Variants in ADAMTS6 observed in about 807,000 individuals in gnomAD.
ADAMTS6 encodes the protein ADAM metallopeptidase with thrombospondin type 1 motif 6.
Under a neutral mutation model 144.3 loss-of-function variants are expected in ADAMTS6, and 23 were observed. The ratio of observed to expected loss-of-function variants is 0.16; its 90% confidence interval spans 0.11 to 0.23. ADAMTS6 has a LOEUF of 0.23. ADAMTS6 is among the 10% of genes least tolerant of loss of function. The pLI is 1.00. For missense variants in ADAMTS6, 999 were observed against 1,379.6 expected (o/e 0.72, Z 4.37); for synonymous variants, 444 against 457.5 (o/e 0.97, Z 0.38).
chr5:65,431,322 T>C (rs1233091099), intron 7 of ADAMTS6, among the ~76,000 whole-genome samples: 1 of 152,116 alleles, frequency 6.6e-6, no homozygotes, highest in East Asian at 1.9e-4. Flanking sequence ...TTTAAGTATG[T>C]CTTTCAGGCT....
At chr5:65,392,282 A>T (rs1292475012) in intron 7 of ADAMTS6, among the ~76,000 whole-genome samples, 1 of 152,162 alleles carries the variant, frequency 6.6e-6, no homozygotes, top group Non-Finnish European at 1.5e-5. Context: ...TTTAATAAGC[A>T]GTCTAACACT....
At chr5:65,446,733 T>G (rs1011633368) in intron 7 of ADAMTS6, among the ~76,000 whole-genome samples, 1 of 152,178 alleles carries the variant, frequency 6.6e-6, no homozygotes, top group Non-Finnish European at 1.5e-5. Flanking sequence ...ATTTCATTTG[T>G]ATGTATGGTC....
chr5:65,375,105 C>T (rs1751392632), intron 7 of ADAMTS6, among the ~76,000 whole-genome samples: 1 of 152,080 alleles, frequency 6.6e-6, no homozygotes, highest in Non-Finnish European at 1.5e-5. Context: ...ATTCAAAAAT[C>T]AATTCAAGAT....
intron 7 of ADAMTS6, among the ~76,000 whole-genome samples, chr5:65,355,235 G>T (rs1000329935): frequency 6.6e-6 from 1 of 151,668 alleles, no homozygotes; most frequent in Non-Finnish European, 1.5e-5. Flanking sequence ...TGATGATAAT[G>T]GTATGTTAAA....
At chr5:65,257,428 G>C (rs1427207705) in intron 14 of ADAMTS6, among the ~76,000 whole-genome samples, 1 of 152,028 alleles carries the variant, frequency 6.6e-6, no homozygotes. Context: ...CTGGTTCTTT[G>C]ATTTTTATGG....
chr5:65,194,185 G>C (rs1018312895), intron 21 of ADAMTS6, among the ~76,000 whole-genome samples: 9 of 152,128 alleles, frequency 5.9e-5, no homozygotes, highest in Admixed American at 5.9e-4. Flanking sequence ...ATCTCAGATG[G>C]TCCCTGATGT....
chr5:65,463,312 G>A (rs1759764959), intron 3 of ADAMTS6, among the ~76,000 whole-genome samples: 1 of 152,146 alleles, frequency 6.6e-6, no homozygotes. Context: ...GGGCAGACCA[G>A]ATACTGGGAA....
intron 7 of ADAMTS6, among the ~76,000 whole-genome samples, chr5:65,423,216 G>A (rs6868652): frequency 0.99 from 151,558 of 152,344 alleles, 75,390 homozygotes; most frequent in African/African-American, 1. Context: ...CATATTGGGT[G>A]CAATATACAC....
intron 18 of ADAMTS6, among the ~76,000 whole-genome samples, chr5:65,220,927 C>A (rs1052494389): frequency 3.3e-5 from 5 of 151,974 alleles, no homozygotes. Flanking sequence ...TGTTACAGAT[C>A]CTACAGATAT....
At chr5:65,480,124 T>C (rs1761101015) in intron 1 of ADAMTS6, among the ~76,000 whole-genome samples, 1 of 152,142 alleles carries the variant, frequency 6.6e-6, no homozygotes, top group South Asian at 2.1e-4. Flanking sequence ...TTCTGAAAAC[T>C]GTCATCCCCA....
At chr5:65,403,497 T>C (rs563575237) in intron 7 of ADAMTS6, among the ~76,000 whole-genome samples, 63 of 152,278 alleles carry the variant, frequency 4.1e-4, no homozygotes, top group Non-Finnish European at 7.2e-4. Context: ...TCCTCCAGCA[T>C]GTTTTCCCCT....
chr5:65,479,778 G>C (rs1761079635), intron 1 of ADAMTS6, among the ~76,000 whole-genome samples: 4 of 152,096 alleles, frequency 2.6e-5, no homozygotes, highest in Admixed American at 2.6e-4. Flanking sequence ...ACAGGTATTG[G>C]GACCAGACAT....
chr5:65,199,435 T>G (rs1165546681), intron 20 of ADAMTS6, among the ~76,000 whole-genome samples: 1 of 152,122 alleles, frequency 6.6e-6, no homozygotes, highest in Non-Finnish European at 1.5e-5. Flanking sequence ...GAATCATAGA[T>G]GAGATATGAG....
chr5:65,370,513 C>T lies in ADAMTS6; in HGVS notation c.1074-36428G>A, dbSNP rs188847495. Among the ~76,000 whole-genome samples the T allele has an allele frequency of 2.8e-3, 431 of 152,316 alleles. 3 individuals carry two copies. The highest frequency in any genetic ancestry group is 0.01 in the African/African-American group (416 of 41,582). On this transcript the variant is annotated intron_variant, in intron 7 of 24. Coordinates refer to ENST00000381055, the MANE Select transcript of ADAMTS6 (RefSeq NM_197941.4). Reference sequence around the variant, plus strand: ...CTTTCCTAGTCAAAGAAAGGGGTGACAGATGGCACCTGGAAAGTCGGGTCA... The same window carrying T: ...CTTTCCTAGTCAAAGAAAGGGGTGATAGATGGCACCTGGAAAGTCGGGTCA...
At chr5:65,298,461 C>G (rs1008811960) in intron 10 of ADAMTS6, among the ~76,000 whole-genome samples, 3 of 152,088 alleles carry the variant, frequency 2.0e-5, no homozygotes, top group Admixed American at 1.3e-4. Context: ...CCAGATCTGA[C>G]TTGATGTCTA....
At chr5:65,372,913 G>T (rs1163456997) in intron 7 of ADAMTS6, among the ~76,000 whole-genome samples, 6 of 152,050 alleles carry the variant, frequency 3.9e-5, no homozygotes, top group Admixed American at 1.3e-4. Context: ...CTATCTCTCA[G>T]ACCACAGTGC....
intron 7 of ADAMTS6, among the ~76,000 whole-genome samples, chr5:65,405,948 G>A (rs559328510): frequency 3.7e-4 from 57 of 152,276 alleles, no homozygotes; most frequent in African/African-American, 1.3e-3. Context: ...CTCTGTGTTA[G>A]TCTGTTATTG....
In ADAMTS6 at chr5:65,299,577, G is replaced by T. The variant is rs557280127; in HGVS notation, c.1370+408C>A. Among the ~76,000 whole-genome samples the T allele has an allele frequency of 5.5e-3, 834 of 150,818 alleles. 5 individuals are homozygous for T. The highest frequency in any genetic ancestry group is 0.015 in the African/African-American group (638 of 41,184). On this transcript the variant is annotated intron_variant, in intron 10 of 24. Transcript: ENST00000381055. ...TTTCCTTGGTGTTTGGTTTTTTTTT[G>T]TTGTTGTTGTTGTTTGTTACTATTA...
chr5:65,444,083 G>A (rs1220695644), intron 7 of ADAMTS6, among the ~76,000 whole-genome samples: 2 of 152,014 alleles, frequency 1.3e-5, no homozygotes, highest in East Asian at 1.9e-4. Flanking sequence ...TTTATATATG[G>A]AATCTATTAA....
Sources: allele counts gnomAD v4.1 joint callset (sites outside exome capture counted in the v4.1 genomes callset), GRCh38; gene constraint gnomAD v4.1.1; transcripts MANE v1.5; gene names NCBI Gene and HGNC (gene_info 2026-07-23, HGNC 2026-07-21).